TRPM5: variants seen among roughly 807,000 people sequenced by gnomAD.
The protein encoded by TRPM5 is transient receptor potential cation channel subfamily M member 5.
In TRPM5, 121 loss-of-function variants were observed where a neutral mutation model predicts 124.9. That is an observed-to-expected ratio of 0.97 (90% CI 0.84 to 1.13). The LOEUF is 1.13. Ranked by LOEUF, TRPM5 falls within the 50% of genes most tolerant of loss-of-function variation. TRPM5 has a pLI of 0.00. For synonymous variants in TRPM5, 781 were observed against 700.5 expected (o/e 1.11, Z -1.81); for missense variants, 1,643 against 1,589.1 (o/e 1.03, Z -0.58).
At chr11:2,424,848 G>A (rs951750539), upstream of TRPM5, among the ~76,000 whole-genome samples, 2 of 152,190 alleles carry the variant, frequency 1.3e-5, no homozygotes, top group Non-Finnish European at 2.9e-5. Context: ...AGTCAACCCC[G>A]GCACGACTTC....
the TRPM5 span, among the ~76,000 whole-genome samples, chr11:2,428,307 AG>A: frequency 6.6e-6 from 1 of 152,128 alleles, no homozygotes; most frequent in Non-Finnish European, 1.5e-5. The surrounding 1 kb of genome is among the most constrained non-coding windows in gnomAD (Gnocchi z 4.0). Flanking sequence ...CATAAACTCC[AG>A]GAATGGTGGG....
rs1850498835 is a variant in TRPM5 at position 2,413,568 on chromosome 11, C to T, written c.1911G>A (p.Trp637Ter). The stretch of plus-strand genomic sequence containing the variant: ...GCGTGCCTGCGGCCATGTCCCCCCA[C>T]CAGATCCTGGTCAGGAAGGCCTGAG... Residue 637 changes from tryptophan (W) to a stop codon, truncating the protein, a stop_gained, in exon 13 of 24, where the codon TGG (tryptophan) becomes TGA (stop). Transcript: ENST00000155858. LOFTEE classifies it high-confidence loss of function. 6.2e-7 allele frequency: 1 copy of T among 1,612,478 alleles called. No homozygotes were observed.
chr11:2,420,066 C>T (rs1002138167), intron 4 of TRPM5, among the ~76,000 whole-genome samples, 156 bp downstream of exon 9: 27 of 51,694 alleles, frequency 5.2e-4, no homozygotes, highest in African/African-American at 2.2e-3. Flanking sequence ...GCCCAGGCCC[C>T]CACGGCCCAG....
upstream of TRPM5, among the ~76,000 whole-genome samples, chr11:2,425,823 G>GGGACTGGGCT (rs1845836245): frequency 6.6e-6 from 1 of 152,194 alleles, no homozygotes; most frequent in Non-Finnish European, 1.5e-5. Flanking sequence ...CCTGGGGGAC[G>GGGACTGGGCT]GGACTGGGCT....
upstream of TRPM5, among the ~76,000 whole-genome samples, chr11:2,427,401 G>A (rs987445828): frequency 6.6e-6 from 1 of 152,230 alleles, no homozygotes; most frequent in African/African-American, 2.4e-5. Context: ...CTTGCAGGGT[G>A]TGCCTGTGGG....
chr11:2,406,960 G>A (rs958206216), intron 20 of TRPM5, among the ~76,000 whole-genome samples, 159 bp downstream of exon 25: 2 of 152,200 alleles, frequency 1.3e-5, no homozygotes, highest in African/African-American at 4.8e-5. Context: ...GCTGCGGGTG[G>A]ACGGGCTCAG....
intron 2 of TRPM5, 143 bp from the exon 8 acceptor site, chr11:2,421,341 G>A (rs1307110786): frequency 4.5e-6 from 5 of 1,113,364 alleles, no homozygotes; most frequent in African/African-American, 3.3e-5. Context: ...ACGGTGGGGT[G>A]GGGAAGCCGA....
the TRPM5 span, among the ~76,000 whole-genome samples, chr11:2,428,178 A>G: frequency 6.6e-6 from 1 of 152,176 alleles, no homozygotes; most frequent in African/African-American, 2.4e-5. The surrounding 1 kb of genome is among the most constrained non-coding windows in gnomAD (Gnocchi z 4.0). Flanking sequence ...CAGGGACTCT[A>G]ATAGCCTGGC....
chr11:2,443,289 C>T, the TRPM5 span, among the ~76,000 whole-genome samples: 4 of 152,188 alleles, frequency 2.6e-5, no homozygotes, highest in Admixed American at 6.5e-5. The surrounding 1 kb of genome is among the most constrained non-coding windows in gnomAD (Gnocchi z 5.0). Flanking sequence ...ATTCAAAGCT[C>T]ACCTTCCTCC....
At chr11:2,431,784 C>T in the TRPM5 span, among the ~76,000 whole-genome samples, 10 of 152,182 alleles carry the variant, frequency 6.6e-5, no homozygotes, top group African/African-American at 1.9e-4. Flanking sequence ...GTGCCTCCCT[C>T]GGTCTCTTCC....
the TRPM5 span, among the ~76,000 whole-genome samples, chr11:2,431,929 G>A: frequency 5.3e-5 from 8 of 152,210 alleles, no homozygotes; most frequent in South Asian, 2.1e-4. Flanking sequence ...CCCAGAACAC[G>A]CAGGTACAGA....
At chr11:2,428,272 AC>A in the TRPM5 span, among the ~76,000 whole-genome samples, 6 of 151,966 alleles carry the variant, frequency 3.9e-5, no homozygotes, top group African/African-American at 1.5e-4. The surrounding 1 kb of genome is among the most constrained non-coding windows in gnomAD (Gnocchi z 4.0). Flanking sequence ...GACTCCAAGG[AC>A]CCCCTGTTCG....
In TRPM5 at chr11:2,413,346, G is replaced by T. The variant is rs542365552; in HGVS notation, c.2004-120C>A. 2.5e-5 allele frequency: 32 copies of T among 1,304,046 alleles called. 1 individual carries two copies. Among genetic ancestry groups the T allele is most frequent in the South Asian group, 2.1e-4 (14 of 67,562 alleles). 80.8% of individuals were successfully genotyped at this position (1,304,046 alleles called of 1,614,324 possible). On this transcript the variant is annotated intron_variant, in intron 13 of 23. Transcript: ENST00000155858. ...GCAGGGGCTGTGGGGAGTGGGACCCGCAGGGAGGCTGGACTTGGGGGCTAC... is the reference window on the plus strand; with the variant it reads ...GCAGGGGCTGTGGGGAGTGGGACCCTCAGGGAGGCTGGACTTGGGGGCTAC...
intron 22 of TRPM5, among the ~76,000 whole-genome samples, 193 bp downstream of exon 27, chr11:2,405,826 G>A (rs1348326232): frequency 6.6e-6 from 1 of 152,172 alleles, no homozygotes; most frequent in African/African-American, 2.4e-5. Flanking sequence ...CTCCCAAGTG[G>A]CAGGGTGGGA....
rs530075031 is a variant in TRPM5 at position 2,419,860 on chromosome 11, C to T, written c.649+362G>A. On this transcript the variant is annotated intron_variant, in intron 4 of 23. Transcript: ENST00000155858. ...CGGCAGCATACCTCACGCCTGGCGG[C>T]GGGAAGTAGCCCTCTTTCAACTCAC... Among the ~76,000 whole-genome samples the T allele has an allele frequency of 8.5e-5, 13 of 152,294 alleles. No homozygotes were observed. The South Asian group carries it at 1.5e-3, about 17-fold the overall frequency.
intron 18 of TRPM5, among the ~76,000 whole-genome samples, chr11:2,410,453 G>C (rs975745888): frequency 1.3e-5 from 2 of 152,070 alleles, no homozygotes; most frequent in Non-Finnish European, 2.9e-5. Flanking sequence ...CTTCTCTGCC[G>C]GGTCTCCAAG....
At chr11:2,404,714 G>A (rs1189040765) in exon 24 of TRPM5, 7 of 545,994 alleles carry the variant, frequency 1.3e-5, no homozygotes, top group African/African-American at 1.9e-5. Flanking sequence ...GTGCCTGTCA[G>A]GGGAGACAGC....
intron 6 of TRPM5, 101 bp downstream of exon 11, chr11:2,418,066 G>A (rs1031530810): frequency 1.0e-5 from 12 of 1,161,584 alleles, no homozygotes; most frequent in Non-Finnish European, 1.3e-5. Context: ...AGCCTGAGGT[G>A]GGAGGAGTGG....
intron 7 of TRPM5, 111 bp downstream of exon 12, chr11:2,417,616 G>A: frequency 2.6e-6 from 2 of 762,052 alleles, no homozygotes; most frequent in East Asian, 5.4e-5. Context: ...TTCCTGGGAA[G>A]GGGCAGGCGG....
Sources: gnomAD v4.1 joint callset for allele counts (sites outside exome capture counted in the v4.1 genomes callset) on GRCh38, gnomAD v4.1.1 for gene constraint, Gnocchi (gnomAD v3.1) non-coding constraint, MANE v1.5 for transcripts, NCBI Gene and HGNC (gene_info 2026-07-23, HGNC 2026-07-21) for gene names.